Variants in ST7 observed in about 807,000 individuals in gnomAD.
ST7 encodes suppressor of tumorigenicity 7 protein.
A neutral mutation model predicts 78.7 loss-of-function variants in ST7; 28 were observed. The ratio of observed to expected loss-of-function variants is 0.36; its 90% confidence interval spans 0.26 to 0.49. ST7 has a LOEUF of 0.49. Among genes scored for constraint, ST7 ranks in the 20% least tolerant of loss-of-function variants. The pLI is 0.99. For synonymous variants in ST7, 247 were observed against 249.6 expected, an observed-to-expected ratio of 0.99 and a Z score of 0.10; for missense variants, 418 against 696.0, an observed-to-expected ratio of 0.60 and a Z score of 4.49.
At chr7:117,212,253 C>T (rs1325086521) in intron 13 of ST7, among the ~76,000 whole-genome samples, 2 of 152,070 alleles carry the variant, frequency 1.3e-5, no homozygotes, top group African/African-American at 4.8e-5. Context: ...TGAGTTAGGC[C>T]GGACAGAGGT....
intron 9 of ST7, among the ~76,000 whole-genome samples, chr7:117,167,854 G>T (rs1807690423): frequency 6.6e-6 from 1 of 152,166 alleles, no homozygotes; most frequent in South Asian, 2.1e-4. Flanking sequence ...AACAAGAAAA[G>T]GGCGGAGGGT....
chr7:117,096,338 T>C (rs974285101), intron 1 of ST7, among the ~76,000 whole-genome samples: 4 of 152,238 alleles, frequency 2.6e-5, no homozygotes, highest in African/African-American at 7.2e-5. Flanking sequence ...GCTTTCTGCC[T>C]TTCCATTCTA....
intron 14 of ST7, among the ~76,000 whole-genome samples, chr7:117,220,182 A>ATC (rs1792984588): frequency 6.6e-6 from 1 of 152,226 alleles, no homozygotes; most frequent in African/African-American, 2.4e-5. Context: ...GCCAGTCATG[A>ATC]ATCTCCAGCA....
chr7:117,211,293 G>A (rs576471569), intron 13 of ST7, among the ~76,000 whole-genome samples: 11 of 152,282 alleles, frequency 7.2e-5, no homozygotes, highest in East Asian at 1.9e-4. Flanking sequence ...AGGTGCCTGC[G>A]TGGCACCAGC....
rs111751841 is a variant in ST7, at chr7:117,017,414, A to G, written c.151+63723A>G. On this transcript the variant is annotated intron_variant, in intron 1 of 15. Transcript: ENST00000323984. ...GTTGACTGACTTTAAGATTTTCGCT[A>G]TAATTGTTCTTTGTCAATAGCATTC... 3.7e-3 allele frequency among the ~76,000 whole-genome samples: 570 copies of G among 152,322 alleles called. 2 individuals are homozygous for G. Among genetic ancestry groups the G allele is most frequent in the Middle Eastern group, 0.017 (5 of 294 alleles).
chr7:117,154,525 C>T (rs1331965569), intron 9 of ST7, among the ~76,000 whole-genome samples: 1 of 152,134 alleles, frequency 6.6e-6, no homozygotes, highest in East Asian at 1.9e-4. Flanking sequence ...GACAGGGTTC[C>T]TGCCTGCTGA....
At position 117,225,530 on chromosome 7, in the gene ST7, C is replaced by T. The variant is rs990376246; in HGVS notation, c.1638+3468C>T. ...GCCCCTTCTCCCGCCGCCTCCTCGA[C>T]CTGCCCCCAGAGTCTTCTCTGCATC... On this transcript the variant is annotated intron_variant, in intron 15 of 15. Coordinates refer to ENST00000323984, the MANE Select transcript of ST7 (RefSeq NM_001369598.1). Among the ~76,000 whole-genome samples, 3 of 152,172 alleles carry T rather than the reference C, an allele frequency of 2.0e-5. 1 individual carries two copies. Among genetic ancestry groups the T allele is most frequent in the African/African-American group, 7.2e-5 (3 of 41,450 alleles).
intron 1 of ST7, among the ~76,000 whole-genome samples, chr7:116,966,300 G>C (rs764308329): frequency 2.7e-5 from 4 of 147,046 alleles, no homozygotes; most frequent in Non-Finnish European, 5.9e-5. Context: ...ACCAGGGCTG[G>C]AGTGCAGTGG....
chr7:117,147,283 A>G lies in ST7; in HGVS notation c.963+8751A>G, dbSNP rs968149172. Among the ~76,000 whole-genome samples the G allele has an allele frequency of 4.6e-5, 7 of 152,128 alleles. No homozygotes were observed. The South Asian group carries it at 1.0e-3, about 22-fold the overall frequency. On this transcript the variant is annotated intron_variant, in intron 9 of 15. Coordinates refer to ENST00000323984, the MANE Select transcript of ST7 (RefSeq NM_001369598.1). ...TTCCTGTTATCCCAGCAGTGCTGCA[A>G]TGAACATCCTTGTAGACATGTGAGA...
chr7:116,985,955 C>T lies in ST7; in HGVS notation c.151+32264C>T, dbSNP rs898213037. 4.6e-5 allele frequency among the ~76,000 whole-genome samples: 7 copies of T among 152,322 alleles called. 1 individual carries two copies. In the South Asian group the frequency reaches 1.2e-3, roughly 27 times the overall value. On this transcript the variant is annotated intron_variant, in intron 1 of 15. Coordinates refer to ENST00000323984, the MANE Select transcript of ST7 (RefSeq NM_001369598.1). ...TCAAGCGACTCTTATGTCGCAGCCT[C>T]GCAAGTAGCTGGGATTACAGGCATG...
intron 1 of ST7, among the ~76,000 whole-genome samples, chr7:117,083,401 G>C (rs553419741): frequency 6.6e-6 from 1 of 152,078 alleles, no homozygotes; most frequent in South Asian, 2.1e-4. Flanking sequence ...GATTACAGGA[G>C]CCTGCCACCA....
At chr7:117,111,391 G>A (rs1802419133) in intron 2 of ST7, among the ~76,000 whole-genome samples, 1 of 152,086 alleles carries the variant, frequency 6.6e-6, no homozygotes, top group Non-Finnish European at 1.5e-5. Flanking sequence ...TTTCTATGCT[G>A]GAGACTAAAA....
At chr7:117,119,519 A>G (rs1283534679) in intron 2 of ST7, 42 bp from the exon 3 acceptor site, 2 of 1,576,194 alleles carry the variant, frequency 1.3e-6, no homozygotes, top group African/African-American at 2.7e-5. Flanking sequence ...GAAGTCGTAA[A>G]TGATAACAGT....
At chr7:117,203,780 G>A (rs1261706790) in intron 12 of ST7, among the ~76,000 whole-genome samples, 2 of 152,054 alleles carry the variant, frequency 1.3e-5, no homozygotes, top group Non-Finnish European at 2.9e-5. Context: ...ATCAAGGTGG[G>A]GACCTGGCCT....
At chr7:117,211,809 T>G (rs1792320734) in intron 13 of ST7, among the ~76,000 whole-genome samples, 1 of 152,040 alleles carries the variant, frequency 6.6e-6, no homozygotes. Context: ...ATAATGAGAT[T>G]AAAAGAAACA....
intron 12 of ST7, among the ~76,000 whole-genome samples, chr7:117,207,426 G>T (rs1312090113): frequency 6.6e-6 from 1 of 152,088 alleles, no homozygotes; most frequent in Non-Finnish European, 1.5e-5. Context: ...ACAGCCGTGA[G>T]CCACCGCGCC....
chr7:116,978,575 T>C (rs1429004332), intron 1 of ST7, among the ~76,000 whole-genome samples: 1 of 152,110 alleles, frequency 6.6e-6, no homozygotes, highest in African/African-American at 2.4e-5. Flanking sequence ...ACATTCTATC[T>C]ATCTATCTAT....
chr7:117,070,907 G>A lies in ST7; in HGVS notation c.152-28855G>A, dbSNP rs190996103. On this transcript the variant is annotated intron_variant, in intron 1 of 15. Transcript: ENST00000323984. ...AAATGATTAAGATGGTAAATTTTAT[G>A]TTATGTGCATTTTTTGTGCATTTCA... is the stretch of plus-strand genomic sequence containing the variant. Among the ~76,000 whole-genome samples the A allele has an allele frequency of 5.7e-4, 86 of 151,834 alleles. No homozygotes were observed. The Middle Eastern group carries it at 0.017, about 30-fold the overall frequency.
In ST7 at chr7:117,219,540, C is replaced by T. The variant is rs538372053; in HGVS notation, c.1498+364C>T. On this transcript the variant is annotated intron_variant, in intron 14 of 15. Transcript: ENST00000323984. The surrounding 1 kb of genome is among the most constrained non-coding windows in gnomAD (Gnocchi z 5.1). ...CTGGACAGATGTGGTCTGCACCGACCGGAGTTTGAAGAGGAGCTGCTGACT... is the reference window on the plus strand; with the variant it reads ...CTGGACAGATGTGGTCTGCACCGACTGGAGTTTGAAGAGGAGCTGCTGACT... Among the ~76,000 whole-genome samples the T allele has an allele frequency of 6.6e-5, 10 of 152,256 alleles. No homozygotes were observed. The highest frequency in any genetic ancestry group is 2.6e-4 in the Admixed American group (4 of 15,282).
Sources: allele counts gnomAD v4.1 joint callset (sites outside exome capture counted in the v4.1 genomes callset), GRCh38; gene constraint gnomAD v4.1.1; non-coding constraint Gnocchi (gnomAD v3.1); transcripts MANE v1.5; gene names NCBI Gene and HGNC (gene_info 2026-07-23, HGNC 2026-07-21).